The following TUSC3 variants were observed in gnomAD, a reference collection of about 807,000 sequenced individuals.
The protein encoded by TUSC3 is dolichyl-diphosphooligosaccharide--protein glycosyltransferase subunit TUSC3.
In TUSC3, 45 loss-of-function variants were observed where a neutral mutation model predicts 44.8. The observed-to-expected ratio is 1.00, with a 90% CI of 0.79 to 1.29. The LOEUF (loss-of-function observed/expected upper bound fraction) is 1.29, where lower values mean the gene tolerates loss of function less well. Ranked by LOEUF, TUSC3 falls within the 50% of genes most tolerant of loss-of-function variation. The pLI is 0.00. For missense variants in TUSC3, 519 were observed against 437.9 expected, an observed-to-expected ratio of 1.19 and a Z score of -1.65; for synonymous variants, 212 against 152.9, an observed-to-expected ratio of 1.39 and a Z score of -2.85.
chr8:15,709,480 C>A (rs1809752306), intron 6 of TUSC3, among the ~76,000 whole-genome samples: 1 of 151,778 alleles, frequency 6.6e-6, no homozygotes, highest in African/African-American at 2.4e-5. Context: ...TTTATGCCTT[C>A]TTCATTTTTG....
chr8:15,818,789 T>C, the TUSC3 span, among the ~76,000 whole-genome samples: 3 of 152,268 alleles, frequency 2.0e-5, no homozygotes, highest in Admixed American at 6.5e-5. Context: ...ATGAACTAGA[T>C]TGCTGCTGCC....
intron 1 of TUSC3, among the ~76,000 whole-genome samples, chr8:15,582,831 C>G (rs2129147373): frequency 6.6e-6 from 1 of 152,314 alleles, no homozygotes; most frequent in South Asian, 2.1e-4. Flanking sequence ...TTACTAGAGC[C>G]AGTGACCTTT....
intron 2 of TUSC3, among the ~76,000 whole-genome samples, chr8:15,521,786 C>T (rs895895605): frequency 6.6e-6 from 1 of 152,166 alleles, no homozygotes; most frequent in Non-Finnish European, 1.5e-5. Flanking sequence ...TGGCCATTGG[C>T]TCCTCTTTCT....
chr8:15,810,777 G>T, the TUSC3 span, among the ~76,000 whole-genome samples: 1 of 152,162 alleles, frequency 6.6e-6, no homozygotes, highest in African/African-American at 2.4e-5. Context: ...GGGGAGATTT[G>T]CATCTGTAGA....
chr8:15,762,135 C>T (rs1469852882), intron 10 of TUSC3, among the ~76,000 whole-genome samples: 1 of 151,710 alleles, frequency 6.6e-6, no homozygotes, highest in Non-Finnish European at 1.5e-5. Context: ...TTCTCAGAAA[C>T]GTTTTAACCA....
intron 5 of TUSC3, among the ~76,000 whole-genome samples, chr8:15,672,530 C>T (rs887836609): frequency 6.6e-6 from 1 of 152,052 alleles, no homozygotes; most frequent in Admixed American, 6.6e-5. Context: ...GATACATCTG[C>T]AACTCGAGTA....
chr8:15,653,453 A>G (rs1243745348), intron 3 of TUSC3, among the ~76,000 whole-genome samples: 1 of 152,182 alleles, frequency 6.6e-6, no homozygotes, highest in East Asian at 1.9e-4. Context: ...CATATAAATA[A>G]ATGGTTACAT....
intron 1 of TUSC3, among the ~76,000 whole-genome samples, chr8:15,452,890 C>T (rs962646262): frequency 6.6e-6 from 1 of 151,974 alleles, no homozygotes; most frequent in African/African-American, 2.4e-5. Context: ...TAATTTCATA[C>T]TTTTTTTTAA....
chr8:15,661,644 T>A (rs971888708), intron 4 of TUSC3, among the ~76,000 whole-genome samples: 1 of 152,040 alleles, frequency 6.6e-6, no homozygotes, highest in Non-Finnish European at 1.5e-5. Flanking sequence ...GGTCCTCCTT[T>A]GTAATTAATA....
chr8:15,763,992 C>T (rs1327647647), intron 10 of TUSC3, among the ~76,000 whole-genome samples: 1 of 152,040 alleles, frequency 6.6e-6, no homozygotes, highest in African/African-American at 2.4e-5. Context: ...AGCATCTTCT[C>T]TCACCCTGAC....
At chr8:15,519,687 G>A (rs1041105189) in intron 2 of TUSC3, among the ~76,000 whole-genome samples, 23 of 152,132 alleles carry the variant, frequency 1.5e-4, no homozygotes, top group Non-Finnish European at 3.1e-4. Flanking sequence ...CCCACCATCC[G>A]TGGGAAAATT....
intron 2 of TUSC3, among the ~76,000 whole-genome samples, chr8:15,523,219 T>C (rs1030644262): frequency 6.6e-6 from 1 of 152,096 alleles, no homozygotes; most frequent in Admixed American, 6.6e-5. Flanking sequence ...ATCGTCTGAG[T>C]TGAGGTATTG....
chr8:15,843,257 G>A, the TUSC3 span, among the ~76,000 whole-genome samples: 2 of 152,014 alleles, frequency 1.3e-5, no homozygotes, highest in Admixed American at 6.6e-5. Context: ...TGGGTGATCT[G>A]TACAACAGTA....
At chr8:15,491,059 CAT>C (rs2129125804) in intron 2 of TUSC3, among the ~76,000 whole-genome samples, 2 of 152,304 alleles carry the variant, frequency 1.3e-5, no homozygotes, top group Non-Finnish European at 2.9e-5. Context: ...ACACATTTTA[CAT>C]ATGAGAAGGG....
chr8:15,604,268 GT>G (rs1210493456), intron 1 of TUSC3, among the ~76,000 whole-genome samples: 2 of 151,554 alleles, frequency 1.3e-5, no homozygotes, highest in Non-Finnish European at 3.0e-5. Flanking sequence ...GAAAAACAGT[GT>G]TTTTAGTTTA....
rs78848596 is a variant in TUSC3, at chr8:15,663,021, G to C, written c.708+725G>C. Among the ~76,000 whole-genome samples the C allele has an allele frequency of 5.0e-3, 757 of 152,018 alleles. 7 individuals carry two copies. Among genetic ancestry groups the C allele is most frequent in the African/African-American group, 0.017 (722 of 41,508 alleles). On this transcript the variant is annotated intron_variant, in intron 5 of 10. Transcript: ENST00000503731. ...GGGCTACAGCAGTGATGGCAAGGTAGGAGGGGAAAGAGATGACAGTAGAGT... is the reference window on the plus strand; with the variant it reads ...GGGCTACAGCAGTGATGGCAAGGTACGAGGGGAAAGAGATGACAGTAGAGT...
intron 1 of TUSC3, among the ~76,000 whole-genome samples, chr8:15,471,917 C>T (rs1220680535): frequency 6.6e-6 from 1 of 152,032 alleles, no homozygotes; most frequent in Non-Finnish European, 1.5e-5. Flanking sequence ...CACACCTGGC[C>T]CCCAGTTCTA....
intron 1 of TUSC3, among the ~76,000 whole-genome samples, chr8:15,465,903 C>G (rs545689105): frequency 2.0e-5 from 3 of 152,168 alleles, no homozygotes; most frequent in Non-Finnish European, 4.4e-5. Context: ...TCACAATCAA[C>G]TTAGCGGTCC....
chr8:15,521,577 C>T (rs1223166734), intron 2 of TUSC3, among the ~76,000 whole-genome samples: 8 of 151,974 alleles, frequency 5.3e-5, no homozygotes, highest in Non-Finnish European at 1.2e-4. Flanking sequence ...TCTTGAGCCA[C>T]ACATAAAATA....
Sources: gnomAD v4.1 joint callset for allele counts (sites outside exome capture counted in the v4.1 genomes callset) on GRCh38, gnomAD v4.1.1 for gene constraint, MANE v1.5 for transcripts, NCBI Gene and HGNC (gene_info 2026-07-23, HGNC 2026-07-21) for gene names.